Variants in GABRB1 observed in about 807,000 individuals in gnomAD.
GABRB1 encodes gamma-aminobutyric acid type A receptor subunit beta1.
GABRB1 carries 17 observed loss-of-function variants against 51.6 expected under a neutral mutation model. The observed-to-expected ratio is 0.33, with a 90% confidence interval of 0.23 to 0.49. The LOEUF (loss-of-function observed/expected upper bound fraction) is 0.49, where lower values mean the gene tolerates loss of function less well. GABRB1 is among the 20% of genes least tolerant of loss of function. The pLI, the probability that GABRB1 is intolerant of heterozygous loss-of-function variation, is 0.99. For missense variants in GABRB1, 410 were observed against 600.6 expected (o/e 0.68, Z 3.32); for synonymous variants, 247 against 218.9 (o/e 1.13, Z -1.14).
chr4:47,019,619 T>TTCTTTCTCTCTC (rs1724852247), intron 1 of GABRB1, among the ~76,000 whole-genome samples: 1 of 108,036 alleles, frequency 9.3e-6, no homozygotes, highest in Non-Finnish European at 1.9e-5. Context: ...CTTTCTTTCT[T>TTCTTTCTCTCTC]TCTCTCTCTT....
At chr4:47,286,806 T>C (rs746648991) in intron 4 of GABRB1, among the ~76,000 whole-genome samples, 4 of 152,062 alleles carry the variant, frequency 2.6e-5, no homozygotes, top group African/African-American at 4.8e-5. Flanking sequence ...AAAAATTAAA[T>C]AGAAAAATAT....
intron 4 of GABRB1, among the ~76,000 whole-genome samples, chr4:47,186,115 GCTGACA>G (rs908963998): frequency 6.6e-6 from 1 of 151,114 alleles, no homozygotes; most frequent in African/African-American, 2.4e-5. Context: ...ATAATATTGC[GCTGACA>G]CTGAGCATGT....
Position 47,161,260 on chromosome 4 carries a change from C to A in GABRB1, c.252C>A (p.Leu84=), listed in dbSNP as rs1286006170. 1 of 1,590,004 alleles carries A rather than the reference C, an allele frequency of 6.3e-7. No individual in the cohort carries two copies. The highest frequency in any genetic ancestry group is 1.1e-5 in the South Asian group (1 of 90,544). ...TCTTTATTTCACAGGATTATACACT[C>A]ACCATGTATTTCCAGCAGTCTTGGA... is the stretch of plus-strand genomic sequence containing the variant. The part of the protein sequence containing the change: ...MVSEVNMDYT[L]TMYFQQSWKD... Residue 84 remains leucine (L), a synonymous_variant, in exon 4 of 9, where the codon CTC becomes CTA. Transcript: ENST00000295454.
intron 3 of GABRB1, among the ~76,000 whole-genome samples, chr4:47,119,857 C>T (rs1339162549): frequency 6.6e-6 from 1 of 151,798 alleles, no homozygotes; most frequent in Non-Finnish European, 1.5e-5. Context: ...TAACATAAAA[C>T]TACTCAGTAG....
intron 3 of GABRB1, among the ~76,000 whole-genome samples, chr4:47,072,272 C>T (rs1727371788): frequency 6.6e-6 from 1 of 152,124 alleles, no homozygotes. Context: ...CAACTGATGA[C>T]ATTTACCATA....
At chr4:47,233,595 C>A (rs1721223248) in intron 4 of GABRB1, among the ~76,000 whole-genome samples, 1 of 152,066 alleles carries the variant, frequency 6.6e-6, no homozygotes, top group African/African-American at 2.4e-5. Context: ...CTAATTCAAG[C>A]TTTTGGAGCT....
At chr4:47,262,672 G>T (rs1000795019) in intron 4 of GABRB1, among the ~76,000 whole-genome samples, 6 of 152,162 alleles carry the variant, frequency 3.9e-5, no homozygotes, top group Admixed American at 2.0e-4. Flanking sequence ...AATACCATTT[G>T]ACACAGCCTT....
At chr4:47,021,851 G>T (rs950959505) in intron 1 of GABRB1, among the ~76,000 whole-genome samples, 1 of 152,016 alleles carries the variant, frequency 6.6e-6, no homozygotes, top group Non-Finnish European at 1.5e-5. Context: ...AATATTACCA[G>T]AGCTTAGATA....
rs1309336036 is a variant in GABRB1, at chr4:47,031,627, A to G, written c.-25A>G. On this transcript the variant is annotated 5_prime_UTR_variant, in exon 1 of 9. Transcript: ENST00000295454. ...CATTCCTTGAATCTTCGCAGAAAAG[A>G]CAATTCTTTTAATCAGAGTTAGTAA... 2.5e-6 allele frequency: 4 copies of G among 1,585,550 alleles called. No homozygotes were observed. The highest frequency in any genetic ancestry group is 3.5e-6 in the Non-Finnish European group (4 of 1,154,302).
At chr4:47,001,980 G>A (rs1383939221) in intron 1 of GABRB1, among the ~76,000 whole-genome samples, 1 of 152,078 alleles carries the variant, frequency 6.6e-6, no homozygotes, top group Non-Finnish European at 1.5e-5. Context: ...GTTTTTATTA[G>A]TCTTAGGATA....
intron 4 of GABRB1, among the ~76,000 whole-genome samples, chr4:47,190,407 T>A (rs570131643): frequency 6.6e-6 from 1 of 152,200 alleles, no homozygotes; most frequent in South Asian, 2.1e-4. Context: ...TCATGTATTG[T>A]GCACATACTG....
At chr4:47,315,877 G>T (rs1724867344) in intron 4 of GABRB1, among the ~76,000 whole-genome samples, 1 of 151,662 alleles carries the variant, frequency 6.6e-6, no homozygotes, top group Non-Finnish European at 1.5e-5. Context: ...AGTCACTGAG[G>T]CATACTTGAA....
chr4:47,235,563 A>AC (rs1350151306), intron 4 of GABRB1, among the ~76,000 whole-genome samples: 1 of 151,944 alleles, frequency 6.6e-6, no homozygotes, highest in Non-Finnish European at 1.5e-5. Flanking sequence ...AAAACCAAAA[A>AC]AAAAAAACTA....
intron 5 of GABRB1, among the ~76,000 whole-genome samples, chr4:47,390,900 G>A (rs1056463985): frequency 3.3e-5 from 5 of 152,222 alleles, no homozygotes; most frequent in South Asian, 2.1e-4. Flanking sequence ...TAAGCTGGCC[G>A]GGCACGGTGG....
intron 4 of GABRB1, among the ~76,000 whole-genome samples, chr4:47,204,643 G>C (rs141727328): frequency 6.6e-6 from 1 of 152,004 alleles, no homozygotes; most frequent in Non-Finnish European, 1.5e-5. Context: ...GGTCTTTCCC[G>C]TCCTATTCTC....
chr4:47,316,474 A>G (rs916295242), intron 4 of GABRB1, among the ~76,000 whole-genome samples: 1 of 151,932 alleles, frequency 6.6e-6, no homozygotes, highest in Non-Finnish European at 1.5e-5. Context: ...TTCTCCATTC[A>G]TCTGTTAATA....
At chr4:47,046,460 A>G (rs778428162) in intron 3 of GABRB1, among the ~76,000 whole-genome samples, 14 of 152,076 alleles carry the variant, frequency 9.2e-5, no homozygotes, top group Non-Finnish European at 1.9e-4. Context: ...GATTTACTTT[A>G]TTTTTTAAGA....
At chr4:47,177,876 C>A (rs1718766860) in intron 4 of GABRB1, among the ~76,000 whole-genome samples, 1 of 146,920 alleles carries the variant, frequency 6.8e-6, no homozygotes, top group Non-Finnish European at 1.5e-5. Context: ...ACCTCTCCAT[C>A]ACTAGGAATG....
chr4:47,263,466 T>C (rs769497082), intron 4 of GABRB1, among the ~76,000 whole-genome samples: 16 of 152,178 alleles, frequency 1.1e-4, no homozygotes, highest in Non-Finnish European at 5.9e-5. Flanking sequence ...AAGTGATGCA[T>C]GTTTGACTCC....
Sources: allele counts gnomAD v4.1 joint callset (sites outside exome capture counted in the v4.1 genomes callset), GRCh38; gene constraint gnomAD v4.1.1; transcripts MANE v1.5; gene names NCBI Gene and HGNC (gene_info 2026-07-23, HGNC 2026-07-21).